RPS6KC1: variants seen among roughly 807,000 people sequenced by gnomAD.
The protein encoded by RPS6KC1 is inactive ribosomal protein S6 kinase delta-1.
A neutral mutation model predicts 103.8 loss-of-function variants in RPS6KC1; 54 were observed. That is an observed-to-expected ratio of 0.52 (90% confidence interval 0.42 to 0.65). The LOEUF (loss-of-function observed/expected upper bound fraction) is 0.65. Ranked by LOEUF, RPS6KC1 falls within the 30% of genes least tolerant of loss-of-function variation. The pLI is 0.00. For synonymous variants in RPS6KC1, 439 were observed against 438.7 expected (o/e 1.00, Z -0.01); for missense variants, 1,151 against 1,253.8 (o/e 0.92, Z 1.24).
chr1:213,474,701 G>C, the RPS6KC1 span, among the ~76,000 whole-genome samples: 2 of 152,094 alleles, frequency 1.3e-5, no homozygotes, highest in African/African-American at 4.8e-5. Flanking sequence ...TTATTTACTT[G>C]TTCTGAACAG....
At position 213,235,657 on chromosome 1, in the gene RPS6KC1, G is replaced by C. The variant is rs116248935; in HGVS notation, c.1225+3402G>C. On this transcript the variant is annotated intron_variant, in intron 10 of 14. Transcript: ENST00000366960. ...TGGTGTTCAAGAAACAGCAGGATCA[G>C]TGTGGCTGGAGCAGAACAGAAAGAG... is the stretch of plus-strand genomic sequence containing the variant. Among the ~76,000 whole-genome samples the C allele has an allele frequency of 5.6e-3, 856 of 152,280 alleles. 7 individuals carry two copies. The highest frequency in any genetic ancestry group is 0.017 in the African/African-American group (715 of 41,572).
the RPS6KC1 span, among the ~76,000 whole-genome samples, chr1:213,370,248 A>ATTTATTTTAT: frequency 0.017 from 2,426 of 142,126 alleles, 61 homozygotes; most frequent in East Asian, 0.089. Context: ...ATTTTATTTT[A>ATTTATTTTAT]TTTATTTTAT....
the RPS6KC1 span, among the ~76,000 whole-genome samples, chr1:213,649,761 G>C: frequency 2.0e-5 from 3 of 152,132 alleles, no homozygotes; most frequent in Non-Finnish European, 4.4e-5. Flanking sequence ...TGCCTTCCTA[G>C]TACCGAGCAC....
chr1:213,571,324 C>T, the RPS6KC1 span, among the ~76,000 whole-genome samples: 1 of 152,144 alleles, frequency 6.6e-6, no homozygotes, highest in East Asian at 1.9e-4. Context: ...AGTCCCTGCC[C>T]TTAGGGAACT....
the RPS6KC1 span, chr1:213,837,189 T>C: frequency 6.6e-6 from 1 of 152,138 alleles, no homozygotes; most frequent in Non-Finnish European, 1.5e-5. Context: ...GCCAGTTTTT[T>C]AAAAATAGAA....
the RPS6KC1 span, among the ~76,000 whole-genome samples, chr1:213,675,913 A>G: frequency 6.6e-6 from 1 of 152,056 alleles, no homozygotes; most frequent in South Asian, 2.1e-4. Flanking sequence ...ATCTAATATC[A>G]TATTCTTCTC....
the RPS6KC1 span, among the ~76,000 whole-genome samples, chr1:213,486,588 A>G: frequency 0.27 from 41,467 of 152,042 alleles, 6,002 homozygotes; most frequent in Admixed American, 0.36. Flanking sequence ...AAGATACTAT[A>G]TTCAAGAACA....
chr1:213,812,052 T>C, the RPS6KC1 span, among the ~76,000 whole-genome samples: 2 of 152,200 alleles, frequency 1.3e-5, no homozygotes, highest in African/African-American at 4.8e-5. Context: ...GATGAAGTAG[T>C]ACACAATTTC....
the RPS6KC1 span, among the ~76,000 whole-genome samples, chr1:213,742,489 G>A: frequency 3.3e-5 from 5 of 152,208 alleles, no homozygotes; most frequent in African/African-American, 4.8e-5. Flanking sequence ...GAACATTTTA[G>A]CTGAAGAATA....
At chr1:213,168,019 T>C in intron 7 of RPS6KC1, 46 bp downstream of exon 7, 1 of 1,236,728 alleles carries the variant, frequency 8.1e-7, no homozygotes, top group Non-Finnish European at 1.2e-6. Flanking sequence ...GATTTTTTGC[T>C]GTCTGGTCTC....
the RPS6KC1 span, among the ~76,000 whole-genome samples, chr1:213,774,963 C>T: frequency 3.3e-5 from 5 of 152,284 alleles, no homozygotes; most frequent in South Asian, 2.1e-4. Flanking sequence ...AGAAGCACCT[C>T]TTCTGAAACA....
the RPS6KC1 span, among the ~76,000 whole-genome samples, chr1:213,370,141 A>T: frequency 6.6e-6 from 1 of 152,190 alleles, no homozygotes; most frequent in Admixed American, 6.5e-5. Flanking sequence ...AAAGACAGGG[A>T]AAGAGCTCTT....
chr1:213,251,590 T>A (rs913764043), intron 12 of RPS6KC1, among the ~76,000 whole-genome samples: 2 of 152,218 alleles, frequency 1.3e-5, no homozygotes, highest in African/African-American at 4.8e-5. Context: ...TCTCACCCTC[T>A]AATCTTTGTT....
the RPS6KC1 span, among the ~76,000 whole-genome samples, chr1:213,655,278 A>G: frequency 6.6e-6 from 1 of 152,180 alleles, no homozygotes; most frequent in African/African-American, 2.4e-5. Flanking sequence ...CCTGGCCTCA[A>G]GTGAGCCACC....
chr1:213,594,941 C>A, the RPS6KC1 span, among the ~76,000 whole-genome samples: 1 of 152,128 alleles, frequency 6.6e-6, no homozygotes, highest in Non-Finnish European at 1.5e-5. Flanking sequence ...TGAAAAAAAT[C>A]TTGGCCTTCG....
chr1:213,662,428 A>ATTT, the RPS6KC1 span, among the ~76,000 whole-genome samples: 8,684 of 120,852 alleles, frequency 0.072, 381 homozygotes, highest in African/African-American at 0.1. Context: ...CACCTGGCTA[A>ATTT]TTTTTTTTTT....
intron 1 of RPS6KC1, among the ~76,000 whole-genome samples, chr1:213,057,752 CTTTTTTTT>C (rs869259657): frequency 1.4e-3 from 104 of 73,706 alleles, no homozygotes; most frequent in African/African-American, 4.6e-3. Flanking sequence ...TCTGAAGTAT[CTTTTTTTT>C]TTTTTTTTTT....
At chr1:213,512,775 T>A in the RPS6KC1 span, among the ~76,000 whole-genome samples, 1 of 152,210 alleles carries the variant, frequency 6.6e-6, no homozygotes, top group Non-Finnish European at 1.5e-5. Context: ...GAGACTCAAC[T>A]GCCAAAGACC....
chr1:213,761,060 C>T, the RPS6KC1 span, among the ~76,000 whole-genome samples: 4 of 151,766 alleles, frequency 2.6e-5, no homozygotes, highest in Admixed American at 1.3e-4. Flanking sequence ...AAGCTGGTCT[C>T]GGTGACTCTG....
Sources: allele counts gnomAD v4.1 joint callset (sites outside exome capture counted in the v4.1 genomes callset), GRCh38; gene constraint gnomAD v4.1.1; transcripts MANE v1.5; gene names NCBI Gene and HGNC (gene_info 2026-07-23, HGNC 2026-07-21).